EIF4A3: variants seen among roughly 807,000 people sequenced by gnomAD.
EIF4A3 encodes the protein eukaryotic initiation factor 4A-III.
EIF4A3 carries 1 observed loss-of-function variant against 55.6 expected under a neutral mutation model. That is an observed-to-expected ratio of 0.02 (90% CI 0.01 to 0.09). EIF4A3 has a LOEUF of 0.09. Ranked by LOEUF, EIF4A3 falls within the 10% of genes least tolerant of loss-of-function variation. The pLI is 1.00. For missense variants in EIF4A3, 221 were observed against 540.7 expected (o/e 0.41, Z 5.86); for synonymous variants, 194 against 196.3 (o/e 0.99, Z 0.10).
intron 6 of EIF4A3, 184 bp downstream of exon 6, chr17:80,139,486 A>G (rs2039600347): frequency 4.5e-6 from 3 of 659,592 alleles, no homozygotes; most frequent in Non-Finnish European, 7.6e-6. Context: ...GTCACCCACA[A>G]TGAACAAATA....
chr17:80,141,418 A>G (rs768598949), intron 3 of EIF4A3, 37 bp from the exon 4 acceptor site: 2 of 1,593,986 alleles, frequency 1.3e-6, no homozygotes, highest in Non-Finnish European at 1.7e-6. Context: ...GAGAATCCGC[A>G]GTATTATCAA....
chr17:80,140,287 T>G (rs1313056178), intron 4 of EIF4A3, 147 bp from the exon 5 acceptor site: 12 of 1,052,134 alleles, frequency 1.1e-5, no homozygotes, highest in Non-Finnish European at 1.5e-5. Flanking sequence ...CCTGCTCTTT[T>G]CTCTGACAAA....
intron 6 of EIF4A3, 40 bp downstream of exon 6, chr17:80,139,630 A>T: frequency 6.4e-7 from 1 of 1,552,700 alleles, no homozygotes; most frequent in Non-Finnish European, 8.8e-7. Context: ...AAGAACTAAG[A>T]ATTATGTCAG....
In EIF4A3 at chr17:80,137,490, C is replaced by A; in HGVS notation, c.879G>T (p.Leu293=). The A allele has an allele frequency of 6.2e-7, 1 of 1,613,510 alleles. No individual in the cohort carries two copies. The highest frequency in any genetic ancestry group is 1.1e-5 in the South Asian group (1 of 90,900). The change falls in exon 9 of 12, where the codon CTG becomes CTT. Residue 293 remains leucine, a synonymous_variant. Transcript: ENST00000649764. ...FCNTKRKVDW[L]TEKMREANFT... ...AGTTGGCTTCCCTCATTTTCTCCGT[C>A]AGCCAGTCCACCTACAAATCCAATC...
chr17:80,138,492 A>G, intron 7 of EIF4A3: 1 of 555,808 alleles, frequency 1.8e-6, no homozygotes, highest in Non-Finnish European at 3.2e-6. Flanking sequence ...CACAATGTGC[A>G]CCACATGGAA....
chr17:80,136,275 G>A lies in EIF4A3; in HGVS notation c.1044C>T (p.Leu348=). ...TATTAGGGAGATCATAGTTAATGAT[G>A]AGGGACACCTGAGGGACATCCAACC... The part of the protein sequence containing the change: ...ARGLDVPQVS[L]IINYDLPNNR... Residue 348 remains leucine (L), a synonymous_variant, in exon 10 of 12, where the codon CTC becomes CTT. Coordinates refer to ENST00000649764, the MANE Select transcript of EIF4A3 (RefSeq NM_014740.4). 1 of 1,614,126 alleles carries A rather than the reference G, an allele frequency of 6.2e-7. No homozygotes were observed. The highest frequency in any genetic ancestry group is 8.5e-7 in the Non-Finnish European group (1 of 1,180,002).
chr17:80,140,339 A>C, intron 4 of EIF4A3, 199 bp from the exon 5 acceptor site: 1 of 580,250 alleles, frequency 1.7e-6, no homozygotes, highest in Non-Finnish European at 2.5e-6. Context: ...TTTGAGACGG[A>C]GTCTCACTCT....
chr17:80,141,511 G>T, intron 3 of EIF4A3, 130 bp from the exon 4 acceptor site: 2 of 1,020,034 alleles, frequency 2.0e-6, no homozygotes, highest in South Asian at 1.6e-5. Flanking sequence ...TTACAGGTTA[G>T]CAAATATTGT....
chr17:80,146,644 G>GGGGGTC, intron 1 of EIF4A3, 149 bp downstream of exon 1: 1 of 909,912 alleles, frequency 1.1e-6, no homozygotes, highest in African/African-American at 1.8e-5. Flanking sequence ...GGGTGGGGGT[G>GGGGGTC]GGGGTCGGAC....
chr17:80,137,527 C>T (rs758587282), intron 8 of EIF4A3, 26 bp from the exon 9 acceptor site: 4 of 1,590,826 alleles, frequency 2.5e-6, no homozygotes, highest in Non-Finnish European at 3.4e-6. Flanking sequence ...ACAGATGCTA[C>T]TGCAAGCTAG....
intron 3 of EIF4A3, 88 bp downstream of exon 3, chr17:80,141,694 T>G: frequency 1.5e-6 from 2 of 1,373,942 alleles, no homozygotes; most frequent in South Asian, 1.3e-5. Context: ...AAATTTTAAA[T>G]TGTACTTTTT....
In EIF4A3 at chr17:80,137,469, G is replaced by A; in HGVS notation, c.900C>T (p.Ala300=). Residue 300 remains alanine, a synonymous_variant, in exon 9 of 12, where the codon GCC becomes GCT. Transcript: ENST00000649764. ...CATGCATTGAGGATACAGTGAAGTT[G>A]GCTTCCCTCATTTTCTCCGTCAGCC... ...VDWLTEKMRE[A]NFTVSSMHGD... 6.2e-7 allele frequency: 1 copy of A among 1,613,916 alleles called. No individual in the cohort carries two copies. Among genetic ancestry groups the A allele is most frequent in the East Asian group, 2.2e-5 (1 of 44,874 alleles).
Position 80,140,118 on chromosome 17 carries a change from T to C in EIF4A3, c.395A>G (p.Tyr132Cys). Residue 132 changes from tyrosine (Y) to cysteine (C), a missense_variant, in exon 5 of 12, where the codon TAC becomes TGC. Tyr to Cys is a radical substitution (Grantham distance 194, BLOSUM62 -2). This residue lies in a region of EIF4A3 where 85 missense variants were observed against 205.8 expected (regional missense o/e 0.41). Transcript: ENST00000649764. ...GCAGGCATGGCACTGGACATTCATGTAGTCACCGAGAGCAAGCAGCCCCTG... is the reference window on the plus strand; with the variant it reads ...GCAGGCATGGCACTGGACATTCATGCAGTCACCGAGAGCAAGCAGCCCCTG... ...IQKGLLALGD[Y>C]MNVQCHACIG... The C allele has an allele frequency of 6.2e-7, 1 of 1,608,370 alleles. No homozygotes were observed. Among genetic ancestry groups the C allele is most frequent in the Non-Finnish European group, 8.5e-7 (1 of 1,176,950 alleles).
At chr17:80,145,979 A>G (rs139782910) in intron 1 of EIF4A3, among the ~76,000 whole-genome samples, 143 of 152,110 alleles carry the variant, frequency 9.4e-4, no homozygotes, top group African/African-American at 3.2e-3. Flanking sequence ...CCTCACCTCA[A>G]ATCTACAGAC....
chr17:80,139,544 T>C (rs1449701779), intron 6 of EIF4A3, 126 bp downstream of exon 6: 4 of 863,016 alleles, frequency 4.6e-6, no homozygotes, highest in East Asian at 2.7e-5. Flanking sequence ...CAAGGCACAA[T>C]TGTTTTTCCA....
rs1288438459 is a variant in EIF4A3 at position 80,134,700 on chromosome 17, T to C, written c.*790A>G. 5.3e-5 allele frequency among the ~76,000 whole-genome samples: 8 copies of C among 152,176 alleles called. No individual in the cohort carries two copies. Among genetic ancestry groups the C allele is most frequent in the Non-Finnish European group, 1.2e-4 (8 of 68,036 alleles). On this transcript the variant is annotated 3_prime_UTR_variant, in exon 12 of 12. Transcript: ENST00000649764. ...TTAGCCAGATGTGCTGGCATGCACC[T>C]GTAGTCCCAGCTACTCAGGAGGGTG...
intron 2 of EIF4A3, among the ~76,000 whole-genome samples, chr17:80,143,502 G>A (rs959384787): frequency 3.0e-4 from 45 of 152,318 alleles, no homozygotes; most frequent in African/African-American, 1.1e-3. Context: ...GGCAGGTGGT[G>A]TGAGTTGAAC....
At chr17:80,146,709 C>A (rs929667521) in intron 1 of EIF4A3, 84 bp downstream of exon 1, 1 of 1,483,770 alleles carries the variant, frequency 6.7e-7, no homozygotes, top group Non-Finnish European at 9.0e-7. Flanking sequence ...GCAGGGCCGG[C>A]CCGGGAGTCA....
chr17:80,139,871 T>G (rs1217898139), intron 5 of EIF4A3, 121 bp from the exon 6 acceptor site: 1 of 1,494,560 alleles, frequency 6.7e-7, no homozygotes, highest in Non-Finnish European at 9.1e-7. Context: ...TCCAGAGACC[T>G]TCCCTCTACC....
Sources: allele counts gnomAD v4.1 joint callset (sites outside exome capture counted in the v4.1 genomes callset), GRCh38; gene constraint gnomAD v4.1.1; regional missense constraint gnomAD v4.1.1; transcripts MANE v1.5; gene names NCBI Gene and HGNC (gene_info 2026-07-23, HGNC 2026-07-21).